GRM4: variants seen among roughly 807,000 people sequenced by gnomAD.
GRM4 encodes the protein metabotropic glutamate receptor 4.
Under a neutral mutation model 81.7 loss-of-function variants are expected in GRM4, and 28 were observed. The ratio of observed to expected loss-of-function variants is 0.34; its 90% CI spans 0.25 to 0.47. The LOEUF (loss-of-function observed/expected upper bound fraction) is 0.47, where lower values mean the gene tolerates loss of function less well. Ranked by LOEUF, GRM4 falls within the 20% of genes least tolerant of loss-of-function variation. GRM4 has a pLI of 1.00. For synonymous variants in GRM4, 488 were observed against 528.8 expected (o/e 0.92, Z 1.06); for missense variants, 948 against 1,290.0 (o/e 0.73, Z 4.06).
At chr6:34,027,858 G>A (rs546850860) in intron 10 of GRM4, among the ~76,000 whole-genome samples, 1 of 152,328 alleles carries the variant, frequency 6.6e-6, no homozygotes, top group African/African-American at 2.4e-5. Flanking sequence ...CGCTGCTAGG[G>A]CACCAGCTGG....
chr6:34,112,980 T>C (rs1387832784), intron 2 of GRM4, among the ~76,000 whole-genome samples: 2 of 152,266 alleles, frequency 1.3e-5, no homozygotes, highest in Admixed American at 6.5e-5. Context: ...TCTCAGGGTC[T>C]GTCCTTAACC....
rs141448198 is a variant in GRM4, at chr6:34,138,162, T to C, written c.-363-4303A>G. On this transcript the variant is annotated intron_variant, in intron 1 of 10. Transcript: ENST00000538487. ...CAACCTTGTCCTTTGTTTCCCAGGG[T>C]CAGGGTCATTGCCAGAGTCCCTGGT... Among the ~76,000 whole-genome samples, 28 of 152,282 alleles carry C rather than the reference T, an allele frequency of 1.8e-4. No homozygotes were observed. The East Asian group carries it at 5.4e-3, about 29-fold the overall frequency.
intron 3 of GRM4, among the ~76,000 whole-genome samples, chr6:34,084,325 G>T (rs78162388): frequency 6.6e-6 from 1 of 152,146 alleles, no homozygotes; most frequent in South Asian, 2.1e-4. Flanking sequence ...AGAGCTAGGT[G>T]GGGTCCTGTC....
At chr6:34,076,256 C>T (rs1462499724) in intron 3 of GRM4, among the ~76,000 whole-genome samples, 1 of 152,240 alleles carries the variant, frequency 6.6e-6, no homozygotes, top group Non-Finnish European at 1.5e-5. Flanking sequence ...CAGAGGCAGG[C>T]TCGATGCCCC....
At chr6:34,099,216 G>T (rs1052132815) in intron 2 of GRM4, among the ~76,000 whole-genome samples, 1 of 152,168 alleles carries the variant, frequency 6.6e-6, no homozygotes, top group Non-Finnish European at 1.5e-5. Context: ...GGCTTCCCAG[G>T]CCCCGCCAAG....
Position 34,080,992 on chromosome 6 carries a change from C to T in GRM4, c.736+10891G>A, listed in dbSNP as rs1052033514. 6.6e-6 allele frequency among the ~76,000 whole-genome samples: 1 copy of T among 152,160 alleles called. No individual in the cohort carries two copies. The highest frequency in any genetic ancestry group is 2.4e-5 in the African/African-American group (1 of 41,436). The stretch of plus-strand genomic sequence containing the variant: ...CATCCCTACCTCTTTCCTCCCTAGC[C>T]CTAGAACTGCTGGCCTCTGTGGGGC... On this transcript the variant is annotated intron_variant, in intron 3 of 10. Coordinates refer to ENST00000538487, the MANE Select transcript of GRM4 (RefSeq NM_000841.4). This position sits in a 1 kb window ranked among gnomAD's most constrained non-coding sequence, Gnocchi z 5.4.
At chr6:34,110,491 C>T (rs1443414940) in intron 2 of GRM4, among the ~76,000 whole-genome samples, 1 of 151,928 alleles carries the variant, frequency 6.6e-6, no homozygotes, top group Non-Finnish European at 1.5e-5. Context: ...GCCTCACAGC[C>T]TTTGCATGTG....
chr6:34,075,899 A>T (rs905584547), intron 3 of GRM4, among the ~76,000 whole-genome samples: 1 of 152,178 alleles, frequency 6.6e-6, no homozygotes, highest in Non-Finnish European at 1.5e-5. Context: ...AAATGAACCT[A>T]GTTTCTGACA....
chr6:34,067,765 C>G (rs1410435218), intron 3 of GRM4, among the ~76,000 whole-genome samples: 1 of 152,132 alleles, frequency 6.6e-6, no homozygotes, highest in Admixed American at 6.5e-5. Flanking sequence ...TCATCCTGAG[C>G]AGAAGCACAA....
intron 2 of GRM4, among the ~76,000 whole-genome samples, chr6:34,098,973 C>T (rs1356832723): frequency 6.6e-6 from 1 of 151,984 alleles, no homozygotes; most frequent in Admixed American, 6.5e-5. Context: ...GTCTCACCTG[C>T]ACCTCCCCAG....
At chr6:34,123,467 C>G (rs1294705614) in intron 2 of GRM4, among the ~76,000 whole-genome samples, 2 of 152,220 alleles carry the variant, frequency 1.3e-5, no homozygotes, top group African/African-American at 4.8e-5. Flanking sequence ...CTACCAGCTC[C>G]CACTGCAATT....
At chr6:34,116,704 C>T (rs1561822440) in intron 2 of GRM4, among the ~76,000 whole-genome samples, 1 of 152,154 alleles carries the variant, frequency 6.6e-6, no homozygotes, top group African/African-American at 2.4e-5. Flanking sequence ...CTAAAAGACA[C>T]GTACACAAAT....
Position 34,074,907 on chromosome 6 carries a change from C to A in GRM4, c.737-12879G>T, listed in dbSNP as rs148874993. ...TACCCCAGGTCAACCCACCCAGGCC[C>A]TACTGTCCCCCACCCTCAGTGGCTG... On this transcript the variant is annotated intron_variant, in intron 3 of 10. Transcript: ENST00000538487. This position sits in a 1 kb window ranked among gnomAD's most constrained non-coding sequence, Gnocchi z 4.9. Among the ~76,000 whole-genome samples the A allele has an allele frequency of 4.1e-4, 63 of 152,278 alleles. 1 individual carries two copies. In the East Asian group the frequency reaches 0.011, roughly 26 times the overall value.
chr6:34,069,805 C>T lies in GRM4; in HGVS notation c.737-7777G>A, dbSNP rs1477252077. 1.3e-5 allele frequency among the ~76,000 whole-genome samples: 2 copies of T among 152,168 alleles called. No homozygotes were observed. Among genetic ancestry groups the T allele is most frequent in the Non-Finnish European group, 2.9e-5 (2 of 68,022 alleles). ...CCACCAGGATCCACCCATCTGGCCA[C>T]GTCTGTGCCCCCAACAGGCCTCTGC... is the stretch of plus-strand genomic sequence containing the variant. On this transcript the variant is annotated intron_variant, in intron 3 of 10. Coordinates refer to ENST00000538487, the MANE Select transcript of GRM4 (RefSeq NM_000841.4). The surrounding 1 kb of genome is among the most constrained non-coding windows in gnomAD (Gnocchi z 6.4).
intron 10 of GRM4, among the ~76,000 whole-genome samples, chr6:34,024,037 T>C (rs1024982239): frequency 6.6e-6 from 1 of 152,182 alleles, no homozygotes; most frequent in Non-Finnish European, 1.5e-5. Flanking sequence ...TCAGGATCTG[T>C]TGGCTCAAAA....
In GRM4 at chr6:34,114,935, G is replaced by A. The variant is rs1302880126; in HGVS notation, c.519+18043C>T. Among the ~76,000 whole-genome samples the A allele has an allele frequency of 6.6e-6, 1 of 152,178 alleles. No homozygotes were observed. Among genetic ancestry groups the A allele is most frequent in the African/African-American group, 2.4e-5 (1 of 41,438 alleles). On this transcript the variant is annotated intron_variant, in intron 2 of 10. Coordinates refer to ENST00000538487, the MANE Select transcript of GRM4 (RefSeq NM_000841.4). The surrounding 1 kb of genome is among the most constrained non-coding windows in gnomAD (Gnocchi z 4.3). ...TCCATACATGTTTGCTGAATCAAAT[G>A]GAATCCATTCAAAACACAGCCCAGG... is the stretch of plus-strand genomic sequence containing the variant.
intron 2 of GRM4, among the ~76,000 whole-genome samples, chr6:34,118,050 T>C (rs1432698719): frequency 1.3e-5 from 2 of 152,174 alleles, no homozygotes; most frequent in African/African-American, 4.8e-5. Context: ...CAGAACCATA[T>C]AGATGCTGTG....
Position 34,022,819 on chromosome 6 carries a change from C to T in GRM4, c.*2G>A, listed in dbSNP as rs757631817. On this transcript the variant is annotated 3_prime_UTR_variant, in exon 11 of 11. Transcript: ENST00000538487. The surrounding 1 kb of genome is among the most constrained non-coding windows in gnomAD (Gnocchi z 5.6). ...CTCCTGCTGCTCAGCTCCATGGACT[C>T]GCTAGATTGCATGGTTGGTGTAAGT... 7.4e-6 allele frequency: 12 copies of T among 1,613,298 alleles called. No homozygotes were observed. The highest frequency in any genetic ancestry group is 6.7e-5 in the African/African-American group (5 of 74,920).
chr6:34,146,666 G>A (rs912840437), upstream of GRM4, among the ~76,000 whole-genome samples: 5 of 152,206 alleles, frequency 3.3e-5, no homozygotes, highest in Admixed American at 6.5e-5. Flanking sequence ...AGAGAGCTGG[G>A]GGAAGAAGGT....
Sources: gnomAD v4.1 joint callset for allele counts (sites outside exome capture counted in the v4.1 genomes callset) on GRCh38, gnomAD v4.1.1 for gene constraint, Gnocchi (gnomAD v3.1) non-coding constraint, MANE v1.5 for transcripts, NCBI Gene and HGNC (gene_info 2026-07-23, HGNC 2026-07-21) for gene names.